Variants in CCDC102B observed in about 807,000 individuals in gnomAD.
CCDC102B encodes coiled-coil domain containing 102B, also known as coiled-coil domain-containing protein 102B.
Under a neutral mutation model 57.4 loss-of-function variants are expected in CCDC102B, and 75 were observed. That is an observed-to-expected ratio of 1.31 (90% CI 1.08 to 1.58). The LOEUF (loss-of-function observed/expected upper bound fraction) is 1.58. CCDC102B is among the 40% of genes most tolerant of loss of function. The pLI is 0.00. For missense variants in CCDC102B, 636 were observed against 582.6 expected, an observed-to-expected ratio of 1.09 and a Z score of -0.94; for synonymous variants, 206 against 201.9, an observed-to-expected ratio of 1.02 and a Z score of -0.17.
chr18:68,790,191 A>T (rs2035386231), intron 2 of CCDC102B, among the ~76,000 whole-genome samples: 1 of 151,276 alleles, frequency 6.6e-6, no homozygotes, highest in Non-Finnish European at 1.5e-5. Flanking sequence ...GCCCATTCTC[A>T]GATCTCCAGC....
chr18:68,996,548 C>A (rs1343661713), intron 6 of CCDC102B, among the ~76,000 whole-genome samples: 2 of 152,176 alleles, frequency 1.3e-5, no homozygotes, highest in Admixed American at 6.5e-5. Flanking sequence ...TTTGGAGAAG[C>A]CTGACTAATG....
At chr18:68,935,764 T>G (rs1482608246) in intron 6 of CCDC102B, among the ~76,000 whole-genome samples, 1 of 151,556 alleles carries the variant, frequency 6.6e-6, no homozygotes, top group Non-Finnish European at 1.5e-5. Flanking sequence ...TGAGAATGAG[T>G]GGCCAGTGTT....
At chr18:68,725,443 GTC>G (rs1568218387) in intron 2 of CCDC102B, among the ~76,000 whole-genome samples, 1 of 152,164 alleles carries the variant, frequency 6.6e-6, no homozygotes, top group East Asian at 1.9e-4. Flanking sequence ...CCTTTTTGGA[GTC>G]TCTAGGAAAG....
At position 68,857,290 on chromosome 18, in the gene CCDC102B, AT is replaced by A. The variant is rs1235442871; in HGVS notation, c.936+10870del. On this transcript the variant is annotated intron_variant, in intron 4 of 7. Coordinates refer to ENST00000360242, the MANE Select transcript of CCDC102B (RefSeq NM_024781.3). The stretch of plus-strand genomic sequence containing the variant: ...AAATATATATATAATATATATTTAT[AT>A]ATTATATATATAATATATATTTATA... Among the ~76,000 whole-genome samples the A allele has an allele frequency of 2.4e-3, 15 of 6,144 alleles. 2 individuals are homozygous for A. The highest frequency in any genetic ancestry group is 0.011 in the East Asian group (2 of 174). 4.0% of individuals were successfully genotyped at this position (6,144 alleles called of 152,430 possible). A position where few individuals can be genotyped will look rare whatever the true frequency, so the allele number is the denominator to read the frequency against.
intron 1 of CCDC102B, among the ~76,000 whole-genome samples, chr18:68,805,767 A>G (rs1015842335): frequency 7.9e-5 from 12 of 152,154 alleles, no homozygotes; most frequent in African/African-American, 2.4e-4. Flanking sequence ...CTGAGAGGTG[A>G]GGATGTTGTA....
chr18:68,760,335 T>C (rs1254054736), intron 2 of CCDC102B, among the ~76,000 whole-genome samples: 2 of 152,042 alleles, frequency 1.3e-5, no homozygotes, highest in Non-Finnish European at 2.9e-5. Flanking sequence ...GAGTGCAAGC[T>C]TTAAATTAGA....
intron 6 of CCDC102B, among the ~76,000 whole-genome samples, chr18:68,971,159 A>G (rs754800110): frequency 6.6e-6 from 1 of 152,036 alleles, no homozygotes; most frequent in Non-Finnish European, 1.5e-5. Context: ...AATTAAATTC[A>G]TTTTGACTAG....
chr18:68,818,261 A>G (rs961307800), intron 1 of CCDC102B, among the ~76,000 whole-genome samples: 1 of 152,128 alleles, frequency 6.6e-6, no homozygotes, highest in Middle Eastern at 3.2e-3. Context: ...ATGTTGTGAT[A>G]GTATTCTGTT....
At chr18:68,891,748 G>A (rs2040086672) in intron 5 of CCDC102B, among the ~76,000 whole-genome samples, 3 of 152,072 alleles carry the variant, frequency 2.0e-5, no homozygotes, top group African/African-American at 7.2e-5. Context: ...GGGATCTCTG[G>A]TACATCTTCC....
Position 68,825,776 on chromosome 18 carries a change from C to A in CCDC102B, c.-15-10973C>A, listed in dbSNP as rs181915929. Among the ~76,000 whole-genome samples the A allele has an allele frequency of 7.8e-3, 1,183 of 152,164 alleles. 7 individuals are homozygous for A. The highest frequency in any genetic ancestry group is 0.014 in the Middle Eastern group (4 of 294). ...AAATGAACATGTTCATCTTTGCATA[C>A]CCCTCAGTGGAAAATCATGCAATGA... is the stretch of plus-strand genomic sequence containing the variant. On this transcript the variant is annotated intron_variant, in intron 1 of 7. Coordinates refer to ENST00000360242, the MANE Select transcript of CCDC102B (RefSeq NM_024781.3).
chr18:69,052,158 G>A (rs898575006), intron 7 of CCDC102B, among the ~76,000 whole-genome samples: 16 of 151,574 alleles, frequency 1.1e-4, no homozygotes, highest in African/African-American at 3.9e-4. Context: ...AAAAGAAATG[G>A]AAAAATGCCA....
chr18:68,789,463 A>T (rs1377722928), intron 2 of CCDC102B, among the ~76,000 whole-genome samples: 8 of 152,088 alleles, frequency 5.3e-5, no homozygotes, highest in Non-Finnish European at 1.2e-4. Flanking sequence ...GCTTTCAGGT[A>T]CCCCAATCAG....
At chr18:68,810,760 A>G (rs2036232669) in intron 1 of CCDC102B, among the ~76,000 whole-genome samples, 1 of 140,778 alleles carries the variant, frequency 7.1e-6, no homozygotes, top group Non-Finnish European at 1.5e-5. Context: ...TTACATAGGT[A>G]TACACGTGCC....
intron 2 of CCDC102B, among the ~76,000 whole-genome samples, chr18:68,748,205 G>GGTATGTGT (rs530957083): frequency 0.039 from 5,297 of 137,488 alleles, 269 homozygotes; most frequent in South Asian, 0.078. Flanking sequence ...TTATTAAACT[G>GGTATGTGT]GTGTGTGTGT....
At chr18:68,824,842 A>G (rs1555707695) in intron 1 of CCDC102B, among the ~76,000 whole-genome samples, 1 of 152,228 alleles carries the variant, frequency 6.6e-6, no homozygotes, top group Non-Finnish European at 1.5e-5. Context: ...ATCTTTGCTG[A>G]TCTGAAAAAT....
At chr18:68,824,250 C>A (rs545586291) in intron 1 of CCDC102B, among the ~76,000 whole-genome samples, 131 of 152,238 alleles carry the variant, frequency 8.6e-4, no homozygotes, top group Middle Eastern at 6.8e-3. Context: ...AAGCAAGGGT[C>A]CAGTTTCATT....
At chr18:68,723,859 G>A (rs895936091) in intron 2 of CCDC102B, among the ~76,000 whole-genome samples, 2 of 152,214 alleles carry the variant, frequency 1.3e-5, no homozygotes, top group African/African-American at 4.8e-5. Flanking sequence ...AGCTCCACTA[G>A]TCAGTGCCCC....
chr18:68,886,491 A>G (rs946969959), intron 5 of CCDC102B, among the ~76,000 whole-genome samples: 3 of 152,186 alleles, frequency 2.0e-5, no homozygotes, highest in Admixed American at 2.0e-4. Flanking sequence ...TTAACATGGA[A>G]GAAATCTTCA....
At chr18:68,926,214 A>G (rs902782766) in intron 6 of CCDC102B, among the ~76,000 whole-genome samples, 41 of 152,046 alleles carry the variant, frequency 2.7e-4, no homozygotes, top group Middle Eastern at 3.4e-3. Context: ...AAGTTTTGCA[A>G]CTTGAAAGTA....
Sources: allele counts gnomAD v4.1 joint callset (sites outside exome capture counted in the v4.1 genomes callset), GRCh38; gene constraint gnomAD v4.1.1; transcripts MANE v1.5; gene names NCBI Gene and HGNC (gene_info 2026-07-23, HGNC 2026-07-21).